ZNF398: variants seen among roughly 807,000 people sequenced by gnomAD.
The protein encoded by ZNF398 is zinc finger protein 398.
ZNF398 carries 18 observed loss-of-function variants against 41.9 expected under a neutral mutation model. That is an observed-to-expected ratio of 0.43 (90% CI 0.30 to 0.64). The LOEUF (loss-of-function observed/expected upper bound fraction) is 0.64. Among genes scored for constraint, ZNF398 ranks in the 30% least tolerant of loss-of-function variants. The pLI is 0.14. For synonymous variants in ZNF398, 260 were observed against 308.8 expected, an observed-to-expected ratio of 0.84 and a Z score of 1.66; for missense variants, 669 against 822.8, an observed-to-expected ratio of 0.81 and a Z score of 2.29.
chr7:149,175,010 C>T (rs767367329), intron 4 of ZNF398, among the ~76,000 whole-genome samples: 2 of 152,114 alleles, frequency 1.3e-5, no homozygotes, highest in Non-Finnish European at 2.9e-5. Flanking sequence ...TAATACACTT[C>T]AGCTTTTCTT....
chr7:149,133,691 G>GTGTATATATATATACACACATATATA (rs1826650432), intron 2 of ZNF398, among the ~76,000 whole-genome samples: 2 of 36,778 alleles, frequency 5.4e-5, no homozygotes, highest in African/African-American at 8.3e-5. Flanking sequence ...ATATATATGT[G>GTGTATATATATATACACACATATATA]TGTATATATA....
At chr7:149,130,359 G>A (rs1826572280) in intron 2 of ZNF398, among the ~76,000 whole-genome samples, 1 of 152,224 alleles carries the variant, frequency 6.6e-6, no homozygotes, top group African/African-American at 2.4e-5. Context: ...GCCTCCCAAA[G>A]TGCTGGGATG....
intron 2 of ZNF398, among the ~76,000 whole-genome samples, chr7:149,134,240 T>G (rs1456181225): frequency 6.6e-6 from 1 of 151,522 alleles, no homozygotes; most frequent in African/African-American, 2.4e-5. Context: ...AATTTTTTTG[T>G]TTTTTTGTTT....
chr7:149,126,452 C>CG (rs1826479209), exon 1 of ZNF398: 2 of 641,372 alleles, frequency 3.1e-6, no homozygotes, highest in East Asian at 6.6e-5. Flanking sequence ...ACCCTCCGTG[C>CG]GGGCCGCAGC....
upstream of ZNF398, among the ~76,000 whole-genome samples, chr7:149,146,265 C>T (rs1487770732): frequency 1.3e-5 from 2 of 152,028 alleles, no homozygotes; most frequent in Non-Finnish European, 2.9e-5. Context: ...TTTGCTCAGA[C>T]GCAGCAAACC....
chr7:149,127,799 C>T (rs919419767), intron 1 of ZNF398, among the ~76,000 whole-genome samples: 1 of 152,118 alleles, frequency 6.6e-6, no homozygotes, highest in African/African-American at 2.4e-5. Flanking sequence ...TGTATGTATA[C>T]GTGTAGTAAC....
intron 4 of ZNF398, among the ~76,000 whole-genome samples, chr7:149,174,335 G>A (rs929540707): frequency 5.3e-5 from 8 of 151,948 alleles, no homozygotes; most frequent in East Asian, 2.0e-4. Flanking sequence ...GTAGCTAGGC[G>A]CGTGCCACCA....
intron 2 of ZNF398, among the ~76,000 whole-genome samples, chr7:149,136,486 G>A (rs949063913): frequency 2.0e-5 from 3 of 152,242 alleles, no homozygotes; most frequent in South Asian, 4.1e-4. Flanking sequence ...TAAGAGTTGG[G>A]TTCAGGTTCA....
At chr7:149,170,506 C>A (rs777073747) in intron 4 of ZNF398, among the ~76,000 whole-genome samples, 4 of 152,000 alleles carry the variant, frequency 2.6e-5, no homozygotes. Context: ...GAGGCCAAGG[C>A]GGGTGGATCA....
At position 149,182,274 on chromosome 7, in the gene ZNF398, T is replaced by C. The variant is rs1795609716; in HGVS notation, c.*2473T>C. ...GAACGAAAGGCGATGTGCAAGGCCA[T>C]CCCAGAGAGACGGAAGCAGGTGCGA... On this transcript the variant is annotated 3_prime_UTR_variant, in exon 6 of 6. Coordinates refer to ENST00000475153, the MANE Select transcript of ZNF398 (RefSeq NM_170686.3). The C allele has an allele frequency of 6.6e-6, 1 of 152,164 alleles. No individual in the cohort carries two copies. The highest frequency in any genetic ancestry group is 1.5e-5 in the Non-Finnish European group (1 of 68,038). The allele number at this position is 152,164 out of a possible 1,614,324, so 9.4% of individuals were successfully genotyped here. A position where few individuals can be genotyped will look rare whatever the true frequency, so the allele number is the denominator to read the frequency against.
intron 2 of ZNF398, among the ~76,000 whole-genome samples, chr7:149,133,119 C>CTT (rs146675534): frequency 1.3e-4 from 19 of 143,440 alleles, no homozygotes; most frequent in African/African-American, 4.1e-4. Context: ...ATCAGTAAGG[C>CTT]TTTTTTTTTT....
intron 2 of ZNF398, among the ~76,000 whole-genome samples, chr7:149,134,678 G>A (rs547962117): frequency 1.2e-4 from 18 of 151,416 alleles, no homozygotes; most frequent in African/African-American, 3.9e-4. Context: ...TTTATTATTT[G>A]TTTAGAGATG....
At chr7:149,160,712 A>G (rs80084726) in intron 2 of ZNF398, among the ~76,000 whole-genome samples, 98 of 152,328 alleles carry the variant, frequency 6.4e-4, no homozygotes, top group African/African-American at 2.1e-3. Flanking sequence ...GTGTGAATTA[A>G]GTATGCTTTG....
intron 5 of ZNF398, among the ~76,000 whole-genome samples, chr7:149,176,831 G>A (rs1456597007): frequency 6.6e-6 from 1 of 152,048 alleles, no homozygotes; most frequent in Non-Finnish European, 1.5e-5. Context: ...GCATACAGAC[G>A]AACCAAAATT....
chr7:149,148,318 G>A (rs1827014110), intron 1 of ZNF398: 2 of 429,924 alleles, frequency 4.7e-6, no homozygotes, highest in African/African-American at 2.2e-5. Context: ...CCTCGCGTGC[G>A]TGGCGGTTCA....
At chr7:149,140,237 A>G (rs1248072074) in intron 2 of ZNF398, among the ~76,000 whole-genome samples, 2 of 152,166 alleles carry the variant, frequency 1.3e-5, no homozygotes, top group African/African-American at 2.4e-5. Context: ...TGTTATCTAG[A>G]TAACTTTAGA....
At chr7:149,143,553 C>T (rs1321588817), upstream of ZNF398, among the ~76,000 whole-genome samples, 2 of 152,204 alleles carry the variant, frequency 1.3e-5, no homozygotes, top group African/African-American at 4.8e-5. Context: ...GTGGCTCACG[C>T]CTGTAATCCC....
At chr7:149,149,398 TC>T (rs1827054769) in intron 1 of ZNF398, among the ~76,000 whole-genome samples, 3 of 151,872 alleles carry the variant, frequency 2.0e-5, no homozygotes, top group East Asian at 2.0e-4. Context: ...TACGCCCGGG[TC>T]CTTTTGTATT....
At chr7:149,128,164 G>A (rs1390164471) in intron 1 of ZNF398, among the ~76,000 whole-genome samples, 2 of 152,190 alleles carry the variant, frequency 1.3e-5, no homozygotes, top group African/African-American at 4.8e-5. Flanking sequence ...ATCCAAGGTG[G>A]TTGGGTTACA....
Sources: gnomAD v4.1 joint callset for allele counts (sites outside exome capture counted in the v4.1 genomes callset) on GRCh38, gnomAD v4.1.1 for gene constraint, MANE v1.5 for transcripts, NCBI Gene and HGNC (gene_info 2026-07-23, HGNC 2026-07-21) for gene names.